The following PIK3C2G variants were observed in gnomAD, a reference collection of about 807,000 sequenced individuals.
PIK3C2G encodes the protein phosphatidylinositol-4-phosphate 3-kinase catalytic subunit type 2 gamma, also known as phosphatidylinositol 3-kinase C2 domain-containing subunit gamma.
A neutral mutation model predicts 181.1 loss-of-function variants in PIK3C2G; 168 were observed. The observed-to-expected ratio is 0.93, with a 90% CI of 0.82 to 1.05. The LOEUF (loss-of-function observed/expected upper bound fraction) is 1.05, where lower values mean the gene tolerates loss of function less well. PIK3C2G is among the 50% of genes least tolerant of loss of function. The pLI, the probability that PIK3C2G is intolerant of heterozygous loss-of-function variation, is 0.00. For missense variants in PIK3C2G, 1,869 were observed against 1,732.8 expected (o/e 1.08, Z -1.40); for synonymous variants, 573 against 592.2 (o/e 0.97, Z 0.47).
chr12:18,285,730 A>C (rs900467581), intron 2 of PIK3C2G, among the ~76,000 whole-genome samples: 2 of 151,980 alleles, frequency 1.3e-5, no homozygotes, highest in Non-Finnish European at 2.9e-5. Context: ...AAAATCTAAA[A>C]ATGCAGCAAA....
intron 18 of PIK3C2G, among the ~76,000 whole-genome samples, chr12:18,454,890 A>T (rs930514271): frequency 6.6e-6 from 1 of 152,184 alleles, no homozygotes; most frequent in Admixed American, 6.6e-5. Flanking sequence ...TAAGAAACAC[A>T]TATTTGTTAT....
chr12:18,665,959 C>T, the PIK3C2G span, among the ~76,000 whole-genome samples: 101 of 149,372 alleles, frequency 6.8e-4, no homozygotes, highest in Non-Finnish European at 1.2e-3. Flanking sequence ...ACTAGTTGGG[C>T]GTGGTGGTGC....
At chr12:18,596,400 G>C (rs971357369) in intron 30 of PIK3C2G, among the ~76,000 whole-genome samples, 4 of 151,986 alleles carry the variant, frequency 2.6e-5, no homozygotes, top group Non-Finnish European at 5.9e-5. Flanking sequence ...TTTATTTTAA[G>C]TGTATATTCT....
intron 18 of PIK3C2G, among the ~76,000 whole-genome samples, chr12:18,431,690 A>T (rs1194053917): frequency 6.6e-6 from 1 of 152,214 alleles, no homozygotes; most frequent in Non-Finnish European, 1.5e-5. Context: ...AGGGGGCTTT[A>T]AAGCCTCAGC....
intron 14 of PIK3C2G, among the ~76,000 whole-genome samples, chr12:18,386,272 A>T (rs1002465746): frequency 1.3e-5 from 2 of 152,156 alleles, no homozygotes; most frequent in African/African-American, 4.8e-5. Context: ...AGTTTCTTTT[A>T]AAAAACAGCT....
the PIK3C2G span, among the ~76,000 whole-genome samples, chr12:18,666,002 G>A: frequency 6.6e-6 from 1 of 150,800 alleles, no homozygotes; most frequent in Non-Finnish European, 1.5e-5. Context: ...TGTGACCAAA[G>A]TCTTCGTATA....
intron 16 of PIK3C2G, among the ~76,000 whole-genome samples, chr12:18,405,671 G>A (rs1172178499): frequency 1.3e-5 from 2 of 152,080 alleles, no homozygotes; most frequent in Non-Finnish European, 2.9e-5. Flanking sequence ...GTATTAAATA[G>A]AATTAGGTCT....
At chr12:18,421,779 G>C (rs367823838) in intron 17 of PIK3C2G, among the ~76,000 whole-genome samples, 12 of 151,272 alleles carry the variant, frequency 7.9e-5, no homozygotes, top group African/African-American at 2.7e-4. Context: ...TTATCTGAAA[G>C]GTCAGGTTGT....
rs553616105 is a variant in PIK3C2G, at chr12:18,448,424, G to A, written c.2504+24385G>A. On this transcript the variant is annotated intron_variant, in intron 18 of 32. Coordinates refer to ENST00000538779, the MANE Select transcript of PIK3C2G (RefSeq NM_001288772.2). Reference sequence around the variant, plus strand: ...TGGGATAAGAGCACTTAAAATCTACGTGTTTAAAATGATCAATATACAATA... The same window carrying A: ...TGGGATAAGAGCACTTAAAATCTACATGTTTAAAATGATCAATATACAATA... Among the ~76,000 whole-genome samples the A allele has an allele frequency of 3.8e-4, 58 of 152,158 alleles. No homozygotes were observed. The South Asian group carries it at 7.5e-3, about 20-fold the overall frequency.
chr12:18,609,573 G>T lies in PIK3C2G; in HGVS notation c.4126G>T (p.Val1376Phe), dbSNP rs1246236684. 1 of 1,589,224 alleles carries T rather than the reference G, an allele frequency of 6.3e-7. No homozygotes were observed. Among genetic ancestry groups the T allele is most frequent in the Non-Finnish European group, 8.6e-7 (1 of 1,166,204 alleles). The change falls in exon 31 of 33, where the codon GTC becomes TTC. Residue 1376 changes from valine to phenylalanine, a missense_variant. Physicochemically the swap from Val to Phe is conservative, Grantham distance 50. Transcript: ENST00000538779. The stretch of plus-strand genomic sequence containing the variant: ...AGACAAGAAGCCTAAGGTGCAGTTA[G>T]TCATATCCTACGAGGATGTGAAGCT... ...FPDKKPKVQLVISYEDVKLTI... is the reference protein window; with the variant it reads ...FPDKKPKVQLFISYEDVKLTI...
intron 1 of PIK3C2G, among the ~76,000 whole-genome samples, chr12:18,251,939 T>A (rs1948099254): frequency 6.6e-6 from 1 of 152,120 alleles, no homozygotes; most frequent in Admixed American, 6.5e-5. Context: ...TGCAATAGAC[T>A]CTACTCAAGT....
At position 18,282,371 on chromosome 12, in the gene PIK3C2G, C is replaced by G. The variant is rs1291982801; in HGVS notation, c.290C>G (p.Ser97Cys). ...NEFTSKSREL[S>C]WHQVSKAPAI... Reference sequence around the variant, plus strand: ...TTCACTTCTAAAAGCCGTGAACTCTCCTGGCATCAAGTTAGCAAAGCACCA... The same window carrying G: ...TTCACTTCTAAAAGCCGTGAACTCTGCTGGCATCAAGTTAGCAAAGCACCA... The change falls in exon 2 of 33, where the codon TCC becomes TGC. Residue 97 changes from serine (S) to cysteine (C), a missense_variant. Transcript: ENST00000538779. The G allele has an allele frequency of 1.9e-6, 3 of 1,613,630 alleles. No homozygotes were observed. The highest frequency in any genetic ancestry group is 2.5e-6 in the Non-Finnish European group (3 of 1,179,642).
chr12:18,549,750 G>T (rs1431275832), intron 26 of PIK3C2G, among the ~76,000 whole-genome samples: 1 of 151,972 alleles, frequency 6.6e-6, no homozygotes, highest in African/African-American at 2.4e-5. Context: ...GAGAACAGAA[G>T]TTCCTTTCTG....
At chr12:18,446,955 G>A (rs189454899) in intron 18 of PIK3C2G, among the ~76,000 whole-genome samples, 70 of 152,192 alleles carry the variant, frequency 4.6e-4, no homozygotes, top group East Asian at 3.9e-4. Flanking sequence ...GAAAGAGTCC[G>A]ATGAAATTCT....
intron 18 of PIK3C2G, among the ~76,000 whole-genome samples, chr12:18,470,159 T>A (rs1938321577): frequency 6.6e-6 from 1 of 152,108 alleles, no homozygotes; most frequent in Admixed American, 6.6e-5. Flanking sequence ...AGATATTATT[T>A]ATAATAATAG....
At chr12:18,353,179 AG>A (rs1344757785) in intron 11 of PIK3C2G, among the ~76,000 whole-genome samples, 1 of 151,850 alleles carries the variant, frequency 6.6e-6, no homozygotes, top group Non-Finnish European at 1.5e-5. Flanking sequence ...TCCTGCTGAC[AG>A]GGGGCATTGT....
chr12:18,276,169 C>G (rs889541777), intron 1 of PIK3C2G, among the ~76,000 whole-genome samples: 1 of 152,126 alleles, frequency 6.6e-6, no homozygotes, highest in Non-Finnish European at 1.5e-5. Context: ...TCCTCAAATG[C>G]CACTAGGTTG....
At chr12:18,607,718 G>A (rs1948109471) in intron 30 of PIK3C2G, among the ~76,000 whole-genome samples, 1 of 152,100 alleles carries the variant, frequency 6.6e-6, no homozygotes. Flanking sequence ...TTAAACTAAA[G>A]AGCTTCTGCA....
chr12:18,394,196 A>G (rs1340602248), intron 15 of PIK3C2G, among the ~76,000 whole-genome samples: 1 of 152,066 alleles, frequency 6.6e-6, no homozygotes, highest in African/African-American at 2.4e-5. Flanking sequence ...GATTAAGTCC[A>G]CTCTAGCCCT....
Sources: allele counts gnomAD v4.1 joint callset (sites outside exome capture counted in the v4.1 genomes callset), GRCh38; gene constraint gnomAD v4.1.1; transcripts MANE v1.5; gene names NCBI Gene and HGNC (gene_info 2026-07-23, HGNC 2026-07-21).